The following SPAG17 variants were observed in gnomAD, a reference collection of about 807,000 sequenced individuals.
The protein encoded by SPAG17 is sperm-associated antigen 17.
In SPAG17, 169 loss-of-function variants were observed where a neutral mutation model predicts 273.6. The observed-to-expected ratio is 0.62, with a 90% confidence interval of 0.55 to 0.70. The LOEUF is 0.70. Ranked by LOEUF, SPAG17 falls within the 30% of genes least tolerant of loss-of-function variation. The pLI is 0.00. For missense variants in SPAG17, 2,557 were observed against 2,627.8 expected (o/e 0.97, Z 0.59); for synonymous variants, 825 against 873.2 (o/e 0.94, Z 0.97).
In SPAG17 at chr1:117,983,777, T is replaced by C. The variant is rs566882127; in HGVS notation, c.5872+34A>G. On this transcript the variant is annotated intron_variant, in intron 42 of 48. Coordinates refer to ENST00000336338, the MANE Select transcript of SPAG17 (RefSeq NM_206996.4). ...GTTAGGTATTATTCAGTTACGGACA[T>C]TTAATAGGAATATGTGCTATGCTAA... 6.8e-5 allele frequency: 99 copies of C among 1,449,216 alleles called. No individual in the cohort carries two copies. In the South Asian group the frequency reaches 1.1e-3, roughly 16 times the overall value. 89.8% of individuals were successfully genotyped at this position (1,449,216 alleles called of 1,614,324 possible). A position where few individuals can be genotyped will look rare whatever the true frequency, so the allele number is the denominator to read the frequency against.
At chr1:118,074,091 T>G (rs1440064866) in intron 16 of SPAG17, 124 bp from the exon 17 acceptor site, 4 of 646,586 alleles carry the variant, frequency 6.2e-6, no homozygotes, top group Non-Finnish European at 1.0e-5. Context: ...TATGTATAAA[T>G]CCATATGGCA....
intron 35 of SPAG17, 118 bp from the exon 36 acceptor site, chr1:117,992,766 G>A (rs1657252524): frequency 1.0e-5 from 9 of 898,206 alleles, no homozygotes; most frequent in South Asian, 8.0e-5. Context: ...GGGACACAGT[G>A]GTGAAAAAAA....
chr1:118,044,032 T>C (rs1650064890), intron 20 of SPAG17, among the ~76,000 whole-genome samples: 1 of 152,208 alleles, frequency 6.6e-6, no homozygotes, highest in Admixed American at 6.5e-5. Context: ...CTGGAATTTA[T>C]GGGTAGCTAT....
rs774837449 is a variant in SPAG17, at chr1:117,957,234, C to G, written c.*1-3185G>C. ...TCCAAAGAATACCATGTCTGTTCAG[C>G]AGAACTGCTTCAGTAGTACCTTAAC... On this transcript the variant is annotated intron_variant, in intron 48 of 48. Transcript: ENST00000336338. 2.5e-6 allele frequency: 4 copies of G among 1,593,690 alleles called. No homozygotes were observed. In the South Asian group the frequency reaches 4.6e-5, roughly 18 times the overall value.
chr1:118,176,599 T>C (rs147297366), intron 1 of SPAG17, among the ~76,000 whole-genome samples: 1 of 152,302 alleles, frequency 6.6e-6, no homozygotes, highest in Admixed American at 6.5e-5. Flanking sequence ...TAGATTATGA[T>C]ACAATGATTA....
rs750817345 is a variant in SPAG17, at chr1:118,091,684, T to G, written c.1281A>C (p.Arg427Ser). The G allele has an allele frequency of 4.3e-6, 7 of 1,611,710 alleles. No individual in the cohort carries two copies. In the South Asian group the frequency reaches 7.7e-5, roughly 18 times the overall value. ...TTGGATTCAGCAAATAATTGTAATA[T>G]CTCATGTCTACTTCAGTTGTGATGA... ...TSVITTEVDM[R>S]YYNYLLNPIR... Residue 427 changes from arginine to serine, a missense_variant, in exon 10 of 49, where the codon AGA becomes AGC. Physicochemically the swap from Arg to Ser is moderately radical, Grantham distance 110. Coordinates refer to ENST00000336338, the MANE Select transcript of SPAG17 (RefSeq NM_206996.4).
chr1:118,004,789 C>T (rs1011904427), intron 32 of SPAG17, among the ~76,000 whole-genome samples: 1 of 152,226 alleles, frequency 6.6e-6, no homozygotes, highest in Non-Finnish European at 1.5e-5. Flanking sequence ...GGATGCCCTG[C>T]CCTGCTTCAT....
At chr1:118,150,425 CCAATGAGGAGCAGG>C in intron 3 of SPAG17, 104 bp downstream of exon 3, 1 of 507,540 alleles carries the variant, frequency 2.0e-6, no homozygotes, top group South Asian at 4.3e-5. Flanking sequence ...ACAAATATCT[CCAATGAGGAGCAGG>C]CATTTATTTT....
intron 48 of SPAG17, chr1:117,958,767 C>CT (rs3215666): frequency 0.23 from 83,930 of 360,094 alleles, 9,841 homozygotes; most frequent in Admixed American, 0.32. Context: ...ACTTCTTTGG[C>CT]TTTTTTTTTT....
chr1:118,050,027 T>A (rs1292080069), intron 20 of SPAG17, among the ~76,000 whole-genome samples: 1 of 152,020 alleles, frequency 6.6e-6, no homozygotes, highest in Non-Finnish European at 1.5e-5. Context: ...ATAGTGGAGT[T>A]TAACTGGTAT....
chr1:118,035,775 T>C (rs1191494964), intron 24 of SPAG17, among the ~76,000 whole-genome samples: 1 of 152,254 alleles, frequency 6.6e-6, no homozygotes, highest in African/African-American at 2.4e-5. Flanking sequence ...GAAAATATGT[T>C]GTGGTTAGAT....
intron 28 of SPAG17, among the ~76,000 whole-genome samples, chr1:118,022,878 T>A (rs1457582548): frequency 6.6e-6 from 1 of 152,122 alleles, no homozygotes; most frequent in East Asian, 1.9e-4. Context: ...AAGAAAGCTC[T>A]TGCATTTATT....
intron 3 of SPAG17, among the ~76,000 whole-genome samples, chr1:118,141,639 G>A (rs1295958062): frequency 6.6e-6 from 1 of 152,148 alleles, no homozygotes; most frequent in Admixed American, 6.6e-5. Context: ...TGGTGACTGT[G>A]AACAAATCAT....
chr1:118,061,848 A>G (rs922279870), intron 18 of SPAG17, among the ~76,000 whole-genome samples: 3 of 152,224 alleles, frequency 2.0e-5, no homozygotes, highest in African/African-American at 7.2e-5. Context: ...AACATAGCAT[A>G]TAACTGTCAC....
intron 1 of SPAG17, among the ~76,000 whole-genome samples, chr1:118,160,428 A>T (rs890732131): frequency 6.6e-6 from 1 of 152,202 alleles, no homozygotes; most frequent in African/African-American, 2.4e-5. Context: ...GTGCCTTGGC[A>T]CTAGGGCTAC....
In SPAG17 at chr1:117,983,930, A is replaced by C. The variant is rs1360919334; in HGVS notation, c.5770-17T>G. ...GTGATTATACTGAAAGGAAAAAAAA[A>C]CTTATTTTAGACTTATACATGGCTG... On this transcript the variant is annotated splice_polypyrimidine_tract_variant and intron_variant, in intron 41 of 48. Coordinates refer to ENST00000336338, the MANE Select transcript of SPAG17 (RefSeq NM_206996.4). The C allele has an allele frequency of 3.4e-6, 5 of 1,449,650 alleles. No individual in the cohort carries two copies. The African/African-American group carries it at 4.2e-5, about 12-fold the overall frequency. 89.8% of individuals were successfully genotyped at this position (1,449,650 alleles called of 1,614,324 possible).
At chr1:118,153,987 C>T (rs1383633037) in intron 1 of SPAG17, among the ~76,000 whole-genome samples, 1 of 152,156 alleles carries the variant, frequency 6.6e-6, no homozygotes, top group Admixed American at 6.5e-5. Context: ...TTCTCTCAAG[C>T]GCAAAGCTCT....
rs1445468987 is a variant in SPAG17 at position 118,101,775 on chromosome 1, C to T, written c.599G>A (p.Arg200Gln). The T allele has an allele frequency of 1.4e-5, 22 of 1,613,846 alleles. No individual in the cohort carries two copies. The highest frequency in any genetic ancestry group is 1.7e-5 in the Non-Finnish European group (20 of 1,179,954). ...APVKKTTQLK[R>Q]RGEDDHTNRY... ...ATTGGTGTGGTCGTCTTCTCCTCTC[C>T]GCTTTAACTGGGTGGTCTTTTTCAC... Residue 200 changes from arginine (R) to glutamine (Q), a missense_variant, in exon 5 of 49, where the codon CGG becomes CAG. Arg to Gln is a conservative substitution (Grantham distance 43, BLOSUM62 1). Coordinates refer to ENST00000336338, the MANE Select transcript of SPAG17 (RefSeq NM_206996.4).
At chr1:118,021,467 T>G (rs182005184) in intron 28 of SPAG17, among the ~76,000 whole-genome samples, 51 of 152,156 alleles carry the variant, frequency 3.4e-4, no homozygotes, top group African/African-American at 1.2e-3. Flanking sequence ...GATTTTTAGG[T>G]TGGCAAAATT....
Sources: allele counts gnomAD v4.1 joint callset (sites outside exome capture counted in the v4.1 genomes callset), GRCh38; gene constraint gnomAD v4.1.1; transcripts MANE v1.5; gene names NCBI Gene and HGNC (gene_info 2026-07-23, HGNC 2026-07-21).